The following NEK2 variants were observed in gnomAD, a reference collection of about 807,000 sequenced individuals.
The protein encoded by NEK2 is NIMA related kinase 2.
In NEK2, 28 loss-of-function variants were observed where a neutral mutation model predicts 54.1. The ratio of observed to expected loss-of-function variants is 0.52; its 90% CI spans 0.38 to 0.71. The LOEUF is 0.71. Ranked by LOEUF, NEK2 falls within the 30% of genes least tolerant of loss-of-function variation. NEK2 has a pLI of 0.00. For synonymous variants in NEK2, 176 were observed against 193.1 expected, an observed-to-expected ratio of 0.91 and a Z score of 0.73; for missense variants, 407 against 531.5, an observed-to-expected ratio of 0.77 and a Z score of 2.30.
intron 6 of NEK2, 30 bp downstream of exon 6, chr1:211,669,083 T>G (rs368607887): frequency 1.7e-5 from 27 of 1,585,544 alleles, no homozygotes; most frequent in Non-Finnish European, 2.1e-5. Flanking sequence ...TTGGTAGTTC[T>G]CCTTTGCTTT....
Position 211,662,867 on chromosome 1 carries a change from C to T in NEK2, c.*559G>A. On this transcript the variant is annotated 3_prime_UTR_variant, in exon 8 of 8. Transcript: ENST00000366999. This position sits in a 1 kb window ranked among gnomAD's most constrained non-coding sequence, Gnocchi z 4.2. ...GTTAAACAGAAAAAAAAAAAGAATA[C>T]AAACATCACAGTGATGAATTTTCAC... 3 of 979,876 alleles carry T rather than the reference C, an allele frequency of 3.1e-6. No individual in the cohort carries two copies. The highest frequency in any genetic ancestry group is 3.6e-6 in the Non-Finnish European group (3 of 825,406). The allele number at this position is 979,876 out of a possible 1,614,324, so 60.7% of individuals were successfully genotyped here.
At position 211,669,236 on chromosome 1, in the gene NEK2, G is replaced by A. The variant is rs533767848; in HGVS notation, c.862C>T (p.Arg288Ter). 8 of 1,613,862 alleles carry A rather than the reference G, an allele frequency of 5.0e-6. No individual in the cohort carries two copies. The highest frequency in any genetic ancestry group is 2.7e-5 in the African/African-American group (2 of 74,872). ...EQRRNLERRGRQLGEPEKSQD... is the reference protein window; with the variant it reads ...EQRRNLERRG Reference sequence around the variant, plus strand: ...GATTTTTCTGGCTCTCCTAATTGTCGCCCTCTTCTCTCAAGATTTCTTCTT... The same window carrying A: ...GATTTTTCTGGCTCTCCTAATTGTCACCCTCTTCTCTCAAGATTTCTTCTT... Residue 288 changes from arginine to a stop codon, truncating the protein, a stop_gained, in exon 6 of 8, where the codon CGA becomes TGA. Coordinates refer to ENST00000366999, the MANE Select transcript of NEK2 (RefSeq NM_002497.4). LOFTEE classifies it high-confidence loss of function.
intron 7 of NEK2, 80 bp downstream of exon 7, chr1:211,667,026 T>TAA: frequency 6.3e-7 from 1 of 1,595,804 alleles, no homozygotes; most frequent in South Asian, 1.2e-5. Flanking sequence ...AAGGGCTACC[T>TAA]AAGCCACTTT....
At chr1:211,660,870 A>G (rs2102436809), downstream of NEK2, 1 of 721,790 alleles carries the variant, frequency 1.4e-6, no homozygotes, top group African/African-American at 1.7e-5. Context: ...CATCATTGAC[A>G]GCATCCAAAC....
At position 211,663,237 on chromosome 1, in the gene NEK2, A is replaced by G. The variant is rs1655065305; in HGVS notation, c.*189T>C. On this transcript the variant is annotated 3_prime_UTR_variant, in exon 8 of 8. Coordinates refer to ENST00000366999, the MANE Select transcript of NEK2 (RefSeq NM_002497.4). ...TAATATGTTCTTAAAAGAAGAAAGA[A>G]AAATTAAATGTGAACATTTTGTACA... The G allele has an allele frequency of 7.4e-7, 1 of 1,351,202 alleles. No homozygotes were observed. Among genetic ancestry groups the G allele is most frequent in the Non-Finnish European group, 9.5e-7 (1 of 1,051,414 alleles). The allele number at this position is 1,351,202 out of a possible 1,614,324, so 83.7% of individuals were successfully genotyped here.
At position 211,670,311 on chromosome 1, in the gene NEK2, A is replaced by G. The variant is rs1655330588; in HGVS notation, c.735T>C (p.Asn245=). Residue 245 remains asparagine (N), a synonymous_variant, in exon 5 of 8, where the codon AAT becomes AAC. Coordinates refer to ENST00000366999, the MANE Select transcript of NEK2 (RefSeq NM_002497.4). ...RIPYRYSDEL[N]EIITRMLNLK... ...AGTTTAACATCCTCGTAATAATTTC[A>G]TTCAATTCATCAGAGTAACGGTATG... The G allele has an allele frequency of 6.2e-7, 1 of 1,610,960 alleles. No individual in the cohort carries two copies. Among genetic ancestry groups the G allele is most frequent in the Admixed American group, 1.7e-5 (1 of 59,638 alleles).
At chr1:211,658,719 CAAAAAAAAAAAAAAA>C (rs967490624), downstream of NEK2, 13 of 37,566 alleles carry the variant, frequency 3.5e-4, no homozygotes, top group Admixed American at 4.0e-3. Flanking sequence ...GACTCTATCT[CAAAAAAAAAAAAAAA>C]AAAAAAAAAA....
intron 2 of NEK2, among the ~76,000 whole-genome samples, 164 bp from the exon 3 acceptor site, chr1:211,673,887 C>T (rs1322232562): frequency 1.3e-5 from 2 of 152,082 alleles, no homozygotes; most frequent in Admixed American, 6.6e-5. Flanking sequence ...TGCAGTGGCA[C>T]GATCATGGCT....
intron 7 of NEK2, among the ~76,000 whole-genome samples, chr1:211,665,805 T>C (rs1246360726): frequency 2.6e-5 from 4 of 152,224 alleles, no homozygotes; most frequent in African/African-American, 9.6e-5. Context: ...TACAAAGTTA[T>C]TGTGATCATC....
chr1:211,658,975 CA>C (rs2102435612), downstream of NEK2, among the ~76,000 whole-genome samples: 1 of 152,104 alleles, frequency 6.6e-6, no homozygotes, highest in East Asian at 1.9e-4. Context: ...TGCAGATGTA[CA>C]AAAAGGACAC....
At chr1:211,661,132 C>T (rs2102436980), downstream of NEK2, 2 of 745,400 alleles carry the variant, frequency 2.7e-6, no homozygotes, top group Admixed American at 1.8e-5. Flanking sequence ...TGGGCGATAG[C>T]ATCTCCTGTC....
At chr1:211,670,220 G>GTA in intron 5 of NEK2, 61 bp downstream of exon 5, 1 of 1,487,544 alleles carries the variant, frequency 6.7e-7, no homozygotes, top group South Asian at 1.2e-5. Flanking sequence ...AAGAGAGAAT[G>GTA]TATGCTCTGA....
Position 211,663,799 on chromosome 1 carries a change from G to A in NEK2, c.1112-147C>T, listed in dbSNP as rs980946396. On this transcript the variant is annotated intron_variant, in intron 7 of 7. Transcript: ENST00000366999. ...TATTTTCTCTGGGATAGGAGGTTAG[G>A]GGTGTAGGACTTGCAGAAATCAGCC... 6 of 745,116 alleles carry A rather than the reference G, an allele frequency of 8.1e-6. No individual in the cohort carries two copies. In the African/African-American group the frequency reaches 1.1e-4, roughly 13 times the overall value. The allele number at this position is 745,116 out of a possible 1,614,324, so 46.2% of individuals were successfully genotyped here. A position where few individuals can be genotyped will look rare whatever the true frequency, so the allele number is the denominator to read the frequency against.
Position 211,674,377 on chromosome 1 carries a change from G to C in NEK2, c.233C>G (p.Thr78Ser), listed in dbSNP as rs1391282322. 6 of 1,613,920 alleles carry C rather than the reference G, an allele frequency of 3.7e-6. No homozygotes were observed. The highest frequency in any genetic ancestry group is 5.1e-6 in the Non-Finnish European group (6 of 1,179,992). Residue 78 changes from threonine (T) to serine (S), a missense_variant, in exon 2 of 8, where the codon ACC (threonine) becomes AGC (serine). Physicochemically the swap from Thr to Ser is moderately conservative, Grantham distance 58 (BLOSUM62 1). Coordinates refer to ENST00000366999, the MANE Select transcript of NEK2 (RefSeq NM_002497.4). ...CATTACAATGTACAGTGTTGTATTG[G>C]TCCGGTCAATAATCCGATCATAGTA... ...VRYYDRIIDR[T>S]NTTLYIVMEY...
intron 7 of NEK2, 135 bp downstream of exon 7, chr1:211,666,971 T>A: frequency 6.7e-7 from 1 of 1,502,106 alleles, no homozygotes; most frequent in Non-Finnish European, 8.9e-7. Context: ...TTGAAATGCA[T>A]ATATTCAATG....
chr1:211,673,764 A>T (rs190718202), intron 2 of NEK2, 41 bp from the exon 3 acceptor site: 53 of 1,591,326 alleles, frequency 3.3e-5, no homozygotes, highest in Non-Finnish European at 4.6e-5. Context: ...CTTCTAAAAA[A>T]ATCATTGCCA....
intron 7 of NEK2, among the ~76,000 whole-genome samples, chr1:211,664,690 C>T (rs1258125963): frequency 2.0e-5 from 3 of 152,358 alleles, no homozygotes; most frequent in East Asian, 1.9e-4. Flanking sequence ...CCGCTTCATA[C>T]GTCGCTTCTG....
intron 6 of NEK2, 38 bp downstream of exon 6, chr1:211,669,075 G>A: frequency 6.5e-7 from 1 of 1,539,534 alleles, no homozygotes; most frequent in Non-Finnish European, 9.0e-7. Flanking sequence ...TAACCCACTT[G>A]GTAGTTCTCC....
chr1:211,661,750 C>T (rs985579947), downstream of NEK2, among the ~76,000 whole-genome samples: 19 of 152,210 alleles, frequency 1.2e-4, no homozygotes. Context: ...AGTTTTGTAA[C>T]ACTGGAGGAA....
Sources: allele counts gnomAD v4.1 joint callset (sites outside exome capture counted in the v4.1 genomes callset), GRCh38; gene constraint gnomAD v4.1.1; non-coding constraint Gnocchi (gnomAD v3.1); transcripts MANE v1.5; gene names NCBI Gene and HGNC (gene_info 2026-07-23, HGNC 2026-07-21).